Variants in GPC5 observed in about 807,000 individuals in gnomAD.
GPC5 encodes glypican 5.
GPC5 carries 47 observed loss-of-function variants against 53.9 expected under a neutral mutation model. That is an observed-to-expected ratio of 0.87 (90% CI 0.69 to 1.11). GPC5 has a LOEUF of 1.11. GPC5 is among the 50% of genes most tolerant of loss of function. The probability of loss-of-function intolerance (pLI) is 0.00; values close to 1 mark genes in which losing one functional copy is unlikely to be tolerated. For missense variants in GPC5, 748 were observed against 713.1 expected (o/e 1.05, Z -0.56); for synonymous variants, 286 against 263.3 (o/e 1.09, Z -0.84).
chr13:91,622,582 A>G (rs545502596), intron 2 of GPC5, among the ~76,000 whole-genome samples: 1 of 152,256 alleles, frequency 6.6e-6, no homozygotes, highest in African/African-American at 2.4e-5. Context: ...AATATAAAAG[A>G]CAAAAATCCT....
chr13:92,527,322 G>A (rs1275123819), intron 7 of GPC5, among the ~76,000 whole-genome samples: 1 of 151,918 alleles, frequency 6.6e-6, no homozygotes, highest in African/African-American at 2.4e-5. Context: ...AGAACTCTGG[G>A]ACCTACCATA....
chr13:92,795,591 C>A (rs957412653), intron 7 of GPC5, among the ~76,000 whole-genome samples: 11 of 152,098 alleles, frequency 7.2e-5, no homozygotes, highest in African/African-American at 2.7e-4. Flanking sequence ...AGTGAACAGG[C>A]AACCTACAGA....
intron 6 of GPC5, among the ~76,000 whole-genome samples, chr13:92,136,996 T>G (rs1446222349): frequency 2.0e-5 from 3 of 152,064 alleles, no homozygotes; most frequent in Non-Finnish European, 4.4e-5. Flanking sequence ...AAACTATTTT[T>G]GGCTAATCAG....
intron 7 of GPC5, among the ~76,000 whole-genome samples, chr13:92,238,900 T>C (rs1252408745): frequency 1.3e-5 from 2 of 152,018 alleles, no homozygotes; most frequent in African/African-American, 4.8e-5. Context: ...TATTTAGGTC[T>C]TTGAACTATT....
rs191177685 is a variant in GPC5 at position 92,247,759 on chromosome 13, A to G, written c.1561+102770A>G. Among the ~76,000 whole-genome samples, 14 of 152,240 alleles carry G rather than the reference A, an allele frequency of 9.2e-5. No individual in the cohort carries two copies. The East Asian group carries it at 2.7e-3, about 29-fold the overall frequency. On this transcript the variant is annotated intron_variant, in intron 7 of 7. Coordinates refer to ENST00000377067, the MANE Select transcript of GPC5 (RefSeq NM_004466.6). ...ATGTTTAACTACCATATAATAGAAT[A>G]CTAGCTTTTCTTAATGAAAACCTCT... is the stretch of plus-strand genomic sequence containing the variant.
intron 7 of GPC5, among the ~76,000 whole-genome samples, chr13:92,493,187 T>C (rs1879831245): frequency 6.6e-6 from 1 of 152,200 alleles, no homozygotes; most frequent in African/African-American, 2.4e-5. Context: ...TTGAATCTCA[T>C]ATATTGACAT....
chr13:92,484,084 G>A (rs986011986), intron 7 of GPC5, among the ~76,000 whole-genome samples: 16 of 152,176 alleles, frequency 1.1e-4, no homozygotes, highest in Non-Finnish European at 7.3e-5. Context: ...GCTACAGTGA[G>A]CCATGATCAC....
chr13:91,795,785 GA>G (rs2038037129), intron 5 of GPC5, among the ~76,000 whole-genome samples: 1 of 152,128 alleles, frequency 6.6e-6, no homozygotes, highest in African/African-American at 2.4e-5. Flanking sequence ...CCCATTCCAT[GA>G]GCATTCCGGG....
intron 7 of GPC5, among the ~76,000 whole-genome samples, chr13:92,550,118 T>C (rs1034286591): frequency 3.9e-5 from 6 of 151,944 alleles, no homozygotes; most frequent in African/African-American, 1.2e-4. Context: ...GGTTGTGAAA[T>C]TTTTATTTCT....
chr13:92,438,226 A>C (rs1457694924), intron 7 of GPC5, among the ~76,000 whole-genome samples: 1 of 151,938 alleles, frequency 6.6e-6, no homozygotes, highest in Non-Finnish European at 1.5e-5. Context: ...TCATGTACCT[A>C]TGAACACATA....
intron 7 of GPC5, chr13:92,240,200 T>A (rs1269721314): frequency 6.6e-6 from 1 of 152,052 alleles, no homozygotes; most frequent in African/African-American, 2.4e-5. Context: ...GAAATAATAT[T>A]TAAAGTATAG....
intron 7 of GPC5, among the ~76,000 whole-genome samples, chr13:92,408,005 G>A (rs1039355461): frequency 3.3e-5 from 5 of 152,176 alleles, no homozygotes; most frequent in East Asian, 1.9e-4. Context: ...AGCCATGGCC[G>A]CCAAGTGGAA....
At chr13:91,563,785 C>A (rs941278677) in intron 2 of GPC5, among the ~76,000 whole-genome samples, 1 of 151,940 alleles carries the variant, frequency 6.6e-6, no homozygotes, top group African/African-American at 2.4e-5. Context: ...TCACTCTGAC[C>A]AATTCCTTCC....
chr13:91,793,360 A>G (rs911810230), intron 5 of GPC5, among the ~76,000 whole-genome samples: 1 of 152,126 alleles, frequency 6.6e-6, no homozygotes, highest in Non-Finnish European at 1.5e-5. Context: ...CGTGGGGATT[A>G]TGGGGGCTAC....
At chr13:92,474,253 T>C (rs1403646504) in intron 7 of GPC5, among the ~76,000 whole-genome samples, 5 of 152,012 alleles carry the variant, frequency 3.3e-5, no homozygotes, top group African/African-American at 2.4e-5. Flanking sequence ...CATGGTTTAA[T>C]GAGTGACCTG....
intron 2 of GPC5, among the ~76,000 whole-genome samples, chr13:91,523,714 G>A (rs889889143): frequency 1.3e-5 from 2 of 152,126 alleles, no homozygotes; most frequent in African/African-American, 4.8e-5. Flanking sequence ...TAAACCTGAA[G>A]TGTTTTCATT....
chr13:91,409,744 G>A (rs1877585934), intron 1 of GPC5, among the ~76,000 whole-genome samples: 1 of 151,996 alleles, frequency 6.6e-6, no homozygotes, highest in Non-Finnish European at 1.5e-5. Context: ...GGGAACATGT[G>A]CAGGTTTGTT....
intron 2 of GPC5, among the ~76,000 whole-genome samples, chr13:91,638,819 T>G (rs2034348777): frequency 6.6e-6 from 1 of 152,236 alleles, no homozygotes; most frequent in African/African-American, 2.4e-5. Context: ...GTATTATACC[T>G]CAATGTCCTA....
intron 7 of GPC5, among the ~76,000 whole-genome samples, chr13:92,638,929 A>AT (rs1403380124): frequency 6.6e-6 from 1 of 152,196 alleles, no homozygotes; most frequent in East Asian, 1.9e-4. Flanking sequence ...ACAAATACAG[A>AT]TTTTGAAAAA....
Sources: allele counts gnomAD v4.1 joint callset (sites outside exome capture counted in the v4.1 genomes callset), GRCh38; gene constraint gnomAD v4.1.1; transcripts MANE v1.5; gene names NCBI Gene and HGNC (gene_info 2026-07-23, HGNC 2026-07-21).